Variants in CTBP2 observed in about 807,000 individuals in gnomAD.
CTBP2 encodes the protein C-terminal binding protein 2.
Under a neutral mutation model 80.3 loss-of-function variants are expected in CTBP2, and 30 were observed. The observed-to-expected ratio is 0.37, with a 90% CI of 0.28 to 0.51. The LOEUF is 0.51. Among genes scored for constraint, CTBP2 ranks in the 20% least tolerant of loss-of-function variants. CTBP2 has a pLI of 0.93. For synonymous variants in CTBP2, 594 were observed against 587.4 expected, an observed-to-expected ratio of 1.01 and a Z score of -0.16; for missense variants, 1,212 against 1,375.3, an observed-to-expected ratio of 0.88 and a Z score of 1.88.
At chr10:125,096,733 G>A (rs1220896630) in intron 2 of CTBP2, among the ~76,000 whole-genome samples, 1 of 125,374 alleles carries the variant, frequency 8.0e-6, no homozygotes, top group African/African-American at 3.0e-5. Flanking sequence ...TACACGGCAT[G>A]AAATAGCTCA....
At chr10:125,076,189 G>A (rs1338719865) in intron 2 of CTBP2, among the ~76,000 whole-genome samples, 1 of 152,052 alleles carries the variant, frequency 6.6e-6, no homozygotes, top group Non-Finnish European at 1.5e-5. Context: ...TAACACCACA[G>A]GCAGCATCCA....
intron 2 of CTBP2, among the ~76,000 whole-genome samples, chr10:125,076,040 G>A (rs1479921307): frequency 6.6e-6 from 1 of 152,200 alleles, no homozygotes; most frequent in Non-Finnish European, 1.5e-5. Flanking sequence ...CGCACAGAAT[G>A]GGTGTATAAT....
intron 3 of CTBP2, among the ~76,000 whole-genome samples, chr10:125,034,245 G>T (rs876147): frequency 6.6e-6 from 1 of 152,166 alleles, no homozygotes; most frequent in Non-Finnish European, 1.5e-5. Context: ...GGAGGAACAG[G>T]TGGGGTGAGG....
At chr10:125,009,258 G>A (rs993380050) in intron 1 of CTBP2, among the ~76,000 whole-genome samples, 7 of 152,224 alleles carry the variant, frequency 4.6e-5, no homozygotes, top group African/African-American at 9.6e-5. Flanking sequence ...ATTCCAAACA[G>A]AGCCAAGCGA....
chr10:124,989,780 A>G (rs1952340780), intron 8 of CTBP2, 82 bp from the exon 11 acceptor site: 4 of 1,348,626 alleles, frequency 3.0e-6, no homozygotes, highest in Non-Finnish European at 2.0e-6. Context: ...TGGCCTTTTC[A>G]TAAGAGACAG....
intron 1 of CTBP2, among the ~76,000 whole-genome samples, chr10:125,012,384 C>T (rs1956033329): frequency 6.6e-6 from 1 of 152,194 alleles, no homozygotes; most frequent in Non-Finnish European, 1.5e-5. Context: ...GGATCTCATG[C>T]ACAGGATAGG....
At chr10:125,067,009 C>T (rs556926364) in intron 2 of CTBP2, among the ~76,000 whole-genome samples, 3 of 152,266 alleles carry the variant, frequency 2.0e-5, no homozygotes, top group South Asian at 4.1e-4. Context: ...AAGGGAAGGG[C>T]GACTCCTACT....
intron 1 of CTBP2, among the ~76,000 whole-genome samples, chr10:125,126,013 A>G (rs1388327901): frequency 1.3e-5 from 2 of 152,232 alleles, no homozygotes; most frequent in Non-Finnish European, 2.9e-5. Context: ...TCTCAAGCCA[A>G]AGCCAGTGCC....
intron 2 of CTBP2, among the ~76,000 whole-genome samples, chr10:125,039,502 C>G (rs1478558581): frequency 6.6e-6 from 1 of 152,218 alleles, no homozygotes; most frequent in Non-Finnish European, 1.5e-5. Context: ...TGGCAGAGAC[C>G]AAGTGACAGC....
At position 124,986,552 on chromosome 10, in the gene CTBP2, C is replaced by A. The variant is rs1478838424; in HGVS notation, c.*2966G>T. The A allele has an allele frequency of 6.6e-6, 1 of 152,096 alleles. No homozygotes were observed. Among genetic ancestry groups the A allele is most frequent in the Non-Finnish European group, 1.5e-5 (1 of 68,012 alleles). The allele number at this position is 152,096 out of a possible 1,614,324, so 9.4% of individuals were successfully genotyped here. On this transcript the variant is annotated 3_prime_UTR_variant, in exon 9 of 9. Coordinates refer to ENST00000309035, the MANE Select transcript of CTBP2 (RefSeq NM_022802.3). ...GATCATTTTTTGCTGCATGCTAAAT[C>A]TTGCAGGAAAAATGATTTTTTAGTA...
At chr10:124,992,551 C>A in intron 8 of CTBP2, 144 bp downstream of exon 10, 1 of 597,634 alleles carries the variant, frequency 1.7e-6, no homozygotes, top group East Asian at 2.9e-5. Context: ...GGGCGGTGTA[C>A]ACAGTTCCTG....
chr10:125,071,782 G>A (rs182543395), intron 2 of CTBP2, among the ~76,000 whole-genome samples: 147 of 152,160 alleles, frequency 9.7e-4, no homozygotes, highest in African/African-American at 3.4e-3. Context: ...CCCAGATACC[G>A]TGAAATGCGT....
intron 1 of CTBP2, among the ~76,000 whole-genome samples, chr10:125,157,187 C>A (rs1402287139): frequency 9.9e-5 from 15 of 152,100 alleles, no homozygotes; most frequent in Non-Finnish European, 2.1e-4. Context: ...GCAACTCGTG[C>A]AAGGAAATGA....
chr10:125,059,722 C>T (rs919526280), intron 2 of CTBP2, among the ~76,000 whole-genome samples: 2 of 152,194 alleles, frequency 1.3e-5, no homozygotes, highest in Admixed American at 1.3e-4. Flanking sequence ...GCCACTGACA[C>T]TGCATCAGTG....
intron 2 of CTBP2, among the ~76,000 whole-genome samples, chr10:125,090,203 C>A (rs974387495): frequency 1.4e-5 from 2 of 147,390 alleles, no homozygotes; most frequent in African/African-American, 2.5e-5. Flanking sequence ...ACCTATAATC[C>A]CAGTACTTTA....
At chr10:125,012,079 T>A (rs1955991301) in intron 1 of CTBP2, among the ~76,000 whole-genome samples, 1 of 152,214 alleles carries the variant, frequency 6.6e-6, no homozygotes, top group African/African-American at 2.4e-5. Context: ...TGAAGGGACA[T>A]CACCAAAAAC....
At chr10:125,055,875 G>T (rs1017622666) in intron 2 of CTBP2, among the ~76,000 whole-genome samples, 1 of 152,164 alleles carries the variant, frequency 6.6e-6, no homozygotes, top group African/African-American at 2.4e-5. Flanking sequence ...GACTTTAAAA[G>T]CAGCTAACTG....
intron 1 of CTBP2, among the ~76,000 whole-genome samples, chr10:125,134,337 C>T (rs528703538): frequency 2.6e-5 from 4 of 152,310 alleles, no homozygotes; most frequent in Admixed American, 6.5e-5. Flanking sequence ...GGAAGCCCCC[C>T]CGCCCCGTGC....
chr10:125,042,652 C>T lies in CTBP2; in HGVS notation c.-101-3497G>A, dbSNP rs1960174040. On this transcript the variant is annotated intron_variant, in intron 2 of 10. Transcript: ENST00000337195. ...TAGAATGGGATGTCACTGTGATGTC[C>T]CAGAGTGGCAGTGAGGACCAGCCAG... Among the ~76,000 whole-genome samples, 6 of 152,086 alleles carry T rather than the reference C, an allele frequency of 3.9e-5. No homozygotes were observed. In the South Asian group the frequency reaches 1.3e-3, roughly 32 times the overall value.
Sources: allele counts gnomAD v4.1 joint callset (sites outside exome capture counted in the v4.1 genomes callset), GRCh38; gene constraint gnomAD v4.1.1; transcripts MANE v1.5; gene names NCBI Gene and HGNC (gene_info 2026-07-23, HGNC 2026-07-21).